PELI2: variants seen among roughly 807,000 people sequenced by gnomAD.
The protein encoded by PELI2 is pellino E3 ubiquitin protein ligase family member 2.
PELI2 carries 23 observed loss-of-function variants against 42.3 expected under a neutral mutation model. The observed-to-expected ratio is 0.54, with a 90% CI of 0.39 to 0.77. The LOEUF is 0.77. PELI2 is among the 30% of genes least tolerant of loss of function. The probability of loss-of-function intolerance (pLI) is 0.00; values close to 1 mark genes in which losing one functional copy is unlikely to be tolerated. For synonymous variants in PELI2, 245 were observed against 212.2 expected, an observed-to-expected ratio of 1.15 and a Z score of -1.34; for missense variants, 463 against 553.2, an observed-to-expected ratio of 0.84 and a Z score of 1.64.
intron 2 of PELI2, among the ~76,000 whole-genome samples, chr14:56,269,233 G>A (rs1889014693): frequency 6.6e-6 from 1 of 152,136 alleles, no homozygotes; most frequent in South Asian, 2.1e-4. Flanking sequence ...TTGAGCCTAG[G>A]AGTTAGAAAC....
chr14:56,196,844 A>G (rs993023187), intron 2 of PELI2, among the ~76,000 whole-genome samples: 7 of 151,996 alleles, frequency 4.6e-5, no homozygotes, highest in Non-Finnish European at 8.8e-5. Flanking sequence ...TATTTTGTTT[A>G]TCTTTTAACT....
At chr14:56,249,788 G>T (rs939601631) in intron 2 of PELI2, among the ~76,000 whole-genome samples, 1 of 152,182 alleles carries the variant, frequency 6.6e-6, no homozygotes, top group Admixed American at 6.5e-5. Flanking sequence ...CACCAGGAGT[G>T]TGTCTCTCAC....
chr14:56,125,298 G>A (rs1004278359), intron 1 of PELI2, among the ~76,000 whole-genome samples: 22 of 151,852 alleles, frequency 1.4e-4, no homozygotes, highest in Admixed American at 6.6e-5. Flanking sequence ...TGCCTGCTTG[G>A]AGCTTACCTT....
chr14:56,206,709 T>G (rs892597718), intron 2 of PELI2, among the ~76,000 whole-genome samples: 1 of 152,196 alleles, frequency 6.6e-6, no homozygotes, highest in Non-Finnish European at 1.5e-5. Flanking sequence ...TGATCGTTTT[T>G]TTTGTTTGTT....
chr14:56,164,448 T>C (rs535499533), intron 1 of PELI2, among the ~76,000 whole-genome samples: 5 of 152,278 alleles, frequency 3.3e-5, no homozygotes, highest in Non-Finnish European at 5.9e-5. Context: ...TTGCTAGTAT[T>C]TTGTTGTGGA....
chr14:56,131,003 G>A (rs1883463493), intron 1 of PELI2, among the ~76,000 whole-genome samples: 2 of 152,072 alleles, frequency 1.3e-5, no homozygotes, highest in Non-Finnish European at 1.5e-5. Context: ...CTCTAATAAA[G>A]GTCTATCTTT....
In PELI2 at chr14:56,297,774, T is replaced by C. The variant is rs1013756261; in HGVS notation, c.*608T>C. ...GAATATTCATAACTTGTGGGCTTTT[T>C]TTTTTTTTAACTTCAGTGGAATTTA... On this transcript the variant is annotated 3_prime_UTR_variant, in exon 6 of 6. Transcript: ENST00000267460. 5 of 152,062 alleles carry C rather than the reference T, an allele frequency of 3.3e-5. No individual in the cohort carries two copies. Among genetic ancestry groups the C allele is most frequent in the African/African-American group, 1.2e-4 (5 of 41,420 alleles). The allele number at this position is 152,062 out of a possible 1,614,324, so 9.4% of individuals were successfully genotyped here. A position where few individuals can be genotyped will look rare whatever the true frequency, so the allele number is the denominator to read the frequency against.
intron 1 of PELI2, among the ~76,000 whole-genome samples, chr14:56,132,379 A>G (rs545553942): frequency 8.4e-4 from 128 of 152,274 alleles, no homozygotes; most frequent in African/African-American, 3.0e-3. Flanking sequence ...ATAACTTTTG[A>G]TAGAGACCAG....
At chr14:56,130,060 GT>G (rs34818835) in intron 1 of PELI2, among the ~76,000 whole-genome samples, 78,629 of 150,172 alleles carry the variant, frequency 0.52, 20,811 homozygotes, top group African/African-American at 0.63. Context: ...CGAGATCTGA[GT>G]TTTTTTTTTT....
At chr14:56,173,486 G>A (rs1045658516) in intron 1 of PELI2, among the ~76,000 whole-genome samples, 2 of 151,624 alleles carry the variant, frequency 1.3e-5, no homozygotes, top group African/African-American at 4.9e-5. Context: ...CTCCACCATC[G>A]CTGCTTTGGT....
At chr14:56,195,122 A>G (rs966293879) in intron 2 of PELI2, among the ~76,000 whole-genome samples, 2 of 152,292 alleles carry the variant, frequency 1.3e-5, no homozygotes, top group East Asian at 3.9e-4. Flanking sequence ...GTTTTTAGGC[A>G]TCTGTGCAGG....
intron 2 of PELI2, among the ~76,000 whole-genome samples, chr14:56,202,009 G>T (rs1886348485): frequency 6.6e-6 from 1 of 152,120 alleles, no homozygotes; most frequent in Admixed American, 6.5e-5. Context: ...AAATTCTATT[G>T]CCCTGTTTGA....
At chr14:56,230,044 T>G (rs1278701020) in intron 2 of PELI2, among the ~76,000 whole-genome samples, 1 of 152,050 alleles carries the variant, frequency 6.6e-6, no homozygotes, top group Non-Finnish European at 1.5e-5. Flanking sequence ...AAGAAAAGTT[T>G]AGAGAAAAAA....
At chr14:56,296,560 A>G (rs1377847930) in intron 5 of PELI2, 40 bp from the exon 6 acceptor site, 2 of 1,350,304 alleles carry the variant, frequency 1.5e-6, no homozygotes, top group African/African-American at 2.9e-5. Flanking sequence ...GATTTGCTTG[A>G]TTTTGCTTTT....
chr14:56,236,968 C>T (rs1887816571), intron 2 of PELI2, among the ~76,000 whole-genome samples: 1 of 152,118 alleles, frequency 6.6e-6, no homozygotes, highest in Admixed American at 6.5e-5. Context: ...CTTTGGGATG[C>T]CCTATTAGAT....
At chr14:56,178,772 C>A (rs1025255400) in intron 2 of PELI2, among the ~76,000 whole-genome samples, 1 of 152,100 alleles carries the variant, frequency 6.6e-6, no homozygotes, top group South Asian at 2.1e-4. Context: ...TAAAATCTGT[C>A]CTATTAGGAA....
intron 2 of PELI2, among the ~76,000 whole-genome samples, chr14:56,228,061 T>C (rs1246708205): frequency 6.6e-6 from 1 of 152,252 alleles, no homozygotes; most frequent in African/African-American, 2.4e-5. Context: ...CTAATATACG[T>C]AGTACAATGC....
chr14:56,187,048 A>G (rs1271772127), intron 2 of PELI2, among the ~76,000 whole-genome samples: 1 of 152,222 alleles, frequency 6.6e-6, no homozygotes, highest in Non-Finnish European at 1.5e-5. Flanking sequence ...TGCTCATTCA[A>G]CAAATGAAGG....
chr14:56,220,012 T>C (rs1395102661), intron 2 of PELI2, among the ~76,000 whole-genome samples: 2 of 152,182 alleles, frequency 1.3e-5, no homozygotes, highest in Non-Finnish European at 2.9e-5. Flanking sequence ...CATAAACAGT[T>C]TAGGTAAACA....
Sources: gnomAD v4.1 joint callset for allele counts (sites outside exome capture counted in the v4.1 genomes callset) on GRCh38, gnomAD v4.1.1 for gene constraint, MANE v1.5 for transcripts, NCBI Gene and HGNC (gene_info 2026-07-23, HGNC 2026-07-21) for gene names.